The following RPS6KA5 variants were observed in gnomAD, a reference collection of about 807,000 sequenced individuals.
RPS6KA5 encodes ribosomal protein S6 kinase alpha-5.
RPS6KA5 carries 27 observed loss-of-function variants against 85.5 expected under a neutral mutation model. That is an observed-to-expected ratio of 0.32 (90% confidence interval 0.23 to 0.44). The LOEUF is 0.44. Among genes scored for constraint, RPS6KA5 ranks in the 20% least tolerant of loss-of-function variants. The pLI is 1.00. For missense variants in RPS6KA5, 811 were observed against 980.9 expected, an observed-to-expected ratio of 0.83 and a Z score of 2.31; for synonymous variants, 334 against 348.2, an observed-to-expected ratio of 0.96 and a Z score of 0.46.
At chr14:90,948,651 C>T (rs1288749869) in intron 3 of RPS6KA5, among the ~76,000 whole-genome samples, 2 of 151,394 alleles carry the variant, frequency 1.3e-5, no homozygotes, top group Admixed American at 6.6e-5. Flanking sequence ...GCGGAGATCG[C>T]GCCACCGCAC....
intron 3 of RPS6KA5, among the ~76,000 whole-genome samples, chr14:90,955,539 C>T (rs565013488): frequency 6.6e-6 from 1 of 152,116 alleles, no homozygotes; most frequent in South Asian, 2.1e-4. Flanking sequence ...ACATTGTTTC[C>T]TATGGTTGTG....
At chr14:90,968,750 G>T (rs936036956) in intron 3 of RPS6KA5, among the ~76,000 whole-genome samples, 1 of 152,164 alleles carries the variant, frequency 6.6e-6, no homozygotes, top group Non-Finnish European at 1.5e-5. Flanking sequence ...CTCAAAAATG[G>T]TTATGTTAAC....
At chr14:91,035,439 A>G (rs2139860011) in intron 1 of RPS6KA5, among the ~76,000 whole-genome samples, 1 of 152,294 alleles carries the variant, frequency 6.6e-6, no homozygotes, top group Non-Finnish European at 1.5e-5. Context: ...CCCCAGAAAG[A>G]GTCCAGCCAT....
chr14:90,932,043 C>A (rs117002216), intron 5 of RPS6KA5, among the ~76,000 whole-genome samples: 1 of 152,202 alleles, frequency 6.6e-6, no homozygotes, highest in Non-Finnish European at 1.5e-5. Context: ...TACTCTTTAC[C>A]TGCACCAGTG....
At chr14:91,049,198 G>A (rs1487121703) in intron 1 of RPS6KA5, among the ~76,000 whole-genome samples, 3 of 152,174 alleles carry the variant, frequency 2.0e-5, no homozygotes, top group Non-Finnish European at 4.4e-5. Flanking sequence ...CTAGGCACTA[G>A]GGAACCAAAT....
rs75474969 is a variant in RPS6KA5, at chr14:91,012,540, A to G, written c.104-11381T>C. Among the ~76,000 whole-genome samples the G allele has an allele frequency of 2.8e-3, 432 of 152,328 alleles. 1 individual carries two copies. The highest frequency in any genetic ancestry group is 9.0e-3 in the African/African-American group (376 of 41,572). On this transcript the variant is annotated intron_variant, in intron 1 of 16. Coordinates refer to ENST00000614987, the MANE Select transcript of RPS6KA5 (RefSeq NM_004755.4). ...ACCAGCCCCTTATAATCTACACTCA[A>G]TACTCAAATCTGCAGTGCCAAGGCC...
chr14:90,908,170 T>C (rs2035613816), intron 7 of RPS6KA5, among the ~76,000 whole-genome samples: 1 of 152,176 alleles, frequency 6.6e-6, no homozygotes, highest in Non-Finnish European at 1.5e-5. Context: ...GGTGGGTTCA[T>C]CCTCAAAAGG....
At chr14:90,970,778 A>G (rs2039282353) in intron 3 of RPS6KA5, among the ~76,000 whole-genome samples, 1 of 152,196 alleles carries the variant, frequency 6.6e-6, no homozygotes, top group Non-Finnish European at 1.5e-5. Flanking sequence ...GTACAGAAAA[A>G]GTTATAAAAG....
chr14:91,000,439 C>T (rs1342829970), intron 2 of RPS6KA5, among the ~76,000 whole-genome samples: 2 of 152,144 alleles, frequency 1.3e-5, no homozygotes, highest in Admixed American at 1.3e-4. Context: ...ACAATCAATA[C>T]AAAGCCCTCC....
intron 7 of RPS6KA5, among the ~76,000 whole-genome samples, chr14:90,914,369 C>T (rs552760578): frequency 8.2e-4 from 96 of 117,346 alleles, no homozygotes; most frequent in African/African-American, 2.9e-3. Context: ...GGTTGGAGTG[C>T]AGTGGTGCAA....
chr14:90,933,106 C>A (rs2037074020), intron 5 of RPS6KA5, among the ~76,000 whole-genome samples: 1 of 152,186 alleles, frequency 6.6e-6, no homozygotes, highest in South Asian at 2.1e-4. Context: ...AATCTTCAGT[C>A]CCCATCTTAT....
chr14:91,028,507 T>C (rs1053030324), intron 1 of RPS6KA5, among the ~76,000 whole-genome samples: 2 of 148,198 alleles, frequency 1.3e-5, no homozygotes, highest in Admixed American at 1.3e-4. Flanking sequence ...TGAGCCACCA[T>C]GCCCAGCCTT....
intron 1 of RPS6KA5, among the ~76,000 whole-genome samples, chr14:91,005,006 AGTTCCATCACCCTGAAAAGTTTCT>A (rs2040958548): frequency 6.6e-6 from 1 of 151,974 alleles, no homozygotes; most frequent in South Asian, 2.1e-4. Context: ...ACAAAAAAAC[AGTTCCATCACCCTGAAAAGTTTCT>A]GTTCCATTAC....
At chr14:91,013,396 G>A (rs2139755030) in intron 1 of RPS6KA5, among the ~76,000 whole-genome samples, 1 of 152,252 alleles carries the variant, frequency 6.6e-6, no homozygotes, top group African/African-American at 2.4e-5. Context: ...AGTACCAGAA[G>A]AGCATAAGAG....
intron 3 of RPS6KA5, among the ~76,000 whole-genome samples, chr14:90,950,258 T>C (rs1203388938): frequency 6.6e-6 from 1 of 152,250 alleles, no homozygotes; most frequent in East Asian, 1.9e-4. Flanking sequence ...ATATTTGATT[T>C]TTGTATGTTG....
intron 4 of RPS6KA5, 129 bp from the exon 5 acceptor site, chr14:90,943,314 G>T: frequency 1.7e-6 from 1 of 579,266 alleles, no homozygotes; most frequent in African/African-American, 1.9e-5. Context: ...TCCTGTAATG[G>T]CTCTTGGTGA....
chr14:90,870,805 C>CTTTTTTTTT lies in RPS6KA5; in HGVS notation c.*1260_*1268dup, dbSNP rs78409439. 1.7e-4 allele frequency: 15 copies of CTTTTTTTTT among 85,854 alleles called. No individual in the cohort carries two copies. Among genetic ancestry groups the CTTTTTTTTT allele is most frequent in the Admixed American group, 3.9e-4 (3 of 7,658 alleles). 5.3% of individuals were successfully genotyped at this position (85,854 alleles called of 1,614,324 possible). A position where few individuals can be genotyped will look rare whatever the true frequency, so the allele number is the denominator to read the frequency against. On this transcript the variant is annotated 3_prime_UTR_variant, in exon 17 of 17. Transcript: ENST00000614987. ...ATATAACACACAAACCCTATCACTT[C>CTTTTTTTTT]TTTTTTTTTTTTTTTTTTTTTTGCA...
chr14:90,983,134 G>A lies in RPS6KA5; in HGVS notation c.176-4610C>T, dbSNP rs182206432. Reference sequence around the variant, plus strand: ...TCTCAAAAAAAAAAAAAAATTAGCTGGGCGTGGTGGCGGGTGCCTGGAATC... The same window carrying A: ...TCTCAAAAAAAAAAAAAAATTAGCTAGGCGTGGTGGCGGGTGCCTGGAATC... On this transcript the variant is annotated intron_variant, in intron 2 of 16. Transcript: ENST00000614987. 3.1e-3 allele frequency among the ~76,000 whole-genome samples: 476 copies of A among 151,718 alleles called. 2 individuals are homozygous for A. Among genetic ancestry groups the A allele is most frequent in the Middle Eastern group, 0.01 (3 of 292 alleles).
At chr14:91,018,818 T>C (rs951844336) in intron 1 of RPS6KA5, among the ~76,000 whole-genome samples, 1 of 152,080 alleles carries the variant, frequency 6.6e-6, no homozygotes, top group Non-Finnish European at 1.5e-5. Flanking sequence ...ACCTTGTGAT[T>C]GTGTGTGCCA....
Sources: allele counts gnomAD v4.1 joint callset (sites outside exome capture counted in the v4.1 genomes callset), GRCh38; gene constraint gnomAD v4.1.1; transcripts MANE v1.5; gene names NCBI Gene and HGNC (gene_info 2026-07-23, HGNC 2026-07-21).